Variants in ADGRV1 observed in about 807,000 individuals in gnomAD.
ADGRV1 encodes the protein adhesion G protein-coupled receptor V1.
A neutral mutation model predicts 596.2 loss-of-function variants in ADGRV1; 359 were observed. The observed-to-expected ratio is 0.60, with a 90% confidence interval of 0.55 to 0.66. The LOEUF is 0.66. ADGRV1 is among the 30% of genes least tolerant of loss of function. The pLI is 0.00. For synonymous variants in ADGRV1, 2,681 were observed against 2,679.2 expected (o/e 1.00, Z -0.02); for missense variants, 7,274 against 7,575.6 (o/e 0.96, Z 1.48).
At chr5:90,759,910 A>G (rs1254837877) in intron 58 of ADGRV1, 12 of 261,700 alleles carry the variant, frequency 4.6e-5, no homozygotes, top group Admixed American at 2.2e-4. Flanking sequence ...GGTTGCAGTG[A>G]GCTGAGATCA....
At chr5:91,126,634 A>G (rs535603585) in intron 87 of ADGRV1, among the ~76,000 whole-genome samples, 1 of 152,298 alleles carries the variant, frequency 6.6e-6, no homozygotes, top group East Asian at 1.9e-4. Context: ...TCATGTGCCA[A>G]ATTCAGTAAG....
chr5:90,745,396 G>A (rs1399295873), intron 51 of ADGRV1, 131 bp downstream of exon 51: 14 of 729,432 alleles, frequency 1.9e-5, no homozygotes, highest in Non-Finnish European at 2.6e-5. Flanking sequence ...CTGAAATTTG[G>A]TTATTATCCA....
At chr5:91,113,795 T>C (rs1792597138) in intron 87 of ADGRV1, among the ~76,000 whole-genome samples, 1 of 152,022 alleles carries the variant, frequency 6.6e-6, no homozygotes, top group South Asian at 2.1e-4. Context: ...GGCATGTGCC[T>C]TTAGTCCCAG....
At chr5:90,592,086 C>T (rs1759575446) in intron 1 of ADGRV1, among the ~76,000 whole-genome samples, 2 of 152,164 alleles carry the variant, frequency 1.3e-5, no homozygotes, top group South Asian at 4.1e-4. Flanking sequence ...AGTAGATCTG[C>T]CATTTGATCC....
rs755702991 is a variant in ADGRV1, at chr5:90,783,167, A to T, written c.13275A>T (p.Leu4425=). Residue 4425 remains leucine (L), a synonymous_variant, in exon 66 of 90, where the codon CTA becomes CTT. Coordinates refer to ENST00000405460, the MANE Select transcript of ADGRV1 (RefSeq NM_032119.4). The part of the protein sequence containing the change: ...VGLIMIPVVR[L]HGTYGYVTAD... ...TGATCATGATCCCAGTGGTGAGGCT[A>T]CATGGAACTTATGGCTATGTGACAG... is the stretch of plus-strand genomic sequence containing the variant. 18 of 1,613,582 alleles carry T rather than the reference A, an allele frequency of 1.1e-5. No homozygotes were observed. The highest frequency in any genetic ancestry group is 1.4e-5 in the Non-Finnish European group (16 of 1,179,660).
chr5:91,031,771 C>A (rs1407731233), intron 85 of ADGRV1, among the ~76,000 whole-genome samples: 5 of 152,114 alleles, frequency 3.3e-5, no homozygotes, highest in Non-Finnish European at 7.4e-5. Context: ...TCTTTAAACA[C>A]TTATATTTCA....
chr5:90,649,848 A>G (rs569906948), intron 17 of ADGRV1, among the ~76,000 whole-genome samples: 49 of 152,314 alleles, frequency 3.2e-4, no homozygotes, highest in African/African-American at 1.2e-3. Context: ...TTGGGAAAAT[A>G]TATTTATTAA....
At chr5:90,726,653 ATGTG>A (rs55927110) in intron 48 of ADGRV1, among the ~76,000 whole-genome samples, 39 of 147,640 alleles carry the variant, frequency 2.6e-4, no homozygotes, top group East Asian at 4.0e-4. Context: ...CTCTCTGGGT[ATGTG>A]TGTGTGTGTG....
At chr5:91,128,090 C>T (rs1248672531) in intron 87 of ADGRV1, among the ~76,000 whole-genome samples, 1 of 151,790 alleles carries the variant, frequency 6.6e-6, no homozygotes, top group Non-Finnish European at 1.5e-5. Context: ...TCCCAATGCC[C>T]TCCCCTCCCT....
intron 39 of ADGRV1, among the ~76,000 whole-genome samples, chr5:90,709,872 C>G (rs927561257): frequency 1.3e-5 from 2 of 152,204 alleles, no homozygotes; most frequent in African/African-American, 4.8e-5. Flanking sequence ...TAGTTAACTT[C>G]TGTTGAGTGG....
In ADGRV1 at chr5:91,014,136, C is replaced by CACACACACACACACA. The variant is rs1782962720; in HGVS notation, c.18152+28614_18152+28615insACACACACACACACA. Among the ~76,000 whole-genome samples, 312 of 35,688 alleles carry CACACACACACACACA rather than the reference C, an allele frequency of 8.7e-3. 6 individuals carry two copies. Among genetic ancestry groups the CACACACACACACACA allele is most frequent in the African/African-American group, 0.026 (294 of 11,362 alleles). 23.4% of individuals were successfully genotyped at this position (35,688 alleles called of 152,430 possible). ...TCATAGGCAATCCCATTCACAATTG[C>CACACACACACACACA]CACACACACACACACACACACACAC... On this transcript the variant is annotated intron_variant, in intron 85 of 89. Coordinates refer to ENST00000405460, the MANE Select transcript of ADGRV1 (RefSeq NM_032119.4).
At chr5:90,620,669 G>T (rs973491206) in intron 4 of ADGRV1, among the ~76,000 whole-genome samples, 2 of 152,182 alleles carry the variant, frequency 1.3e-5, no homozygotes, top group African/African-American at 4.8e-5. Context: ...TGAAGTCCTT[G>T]CCCATGCCTA....
Position 90,985,516 on chromosome 5 carries a change from G to A in ADGRV1, c.18146G>A (p.Gly6049Asp). Reference protein sequence around the residue: ...SMSQIYGLIHGDLCFIPNVYA... With the variant: ...SMSQIYGLIHDDLCFIPNVYA... ...TCACAGATCTATGGACTCATTCATG[G>A]TGACCTGTAAGTACACCCAGGCAAC... Residue 6049 changes from glycine (G) to aspartate (D), a missense_variant, in exon 85 of 90, where the codon GGT becomes GAT. Physicochemically the swap from Gly to Asp is moderately conservative, Grantham distance 94. Around this residue, in one of 5 missense-constraint regions of ADGRV1, gnomAD observed 1,874 missense variants for 1,970.2 expected, o/e 0.95. Coordinates refer to ENST00000405460, the MANE Select transcript of ADGRV1 (RefSeq NM_032119.4). 2 of 1,613,182 alleles carry A rather than the reference G, an allele frequency of 1.2e-6. No individual in the cohort carries two copies. The highest frequency in any genetic ancestry group is 1.7e-6 in the Non-Finnish European group (2 of 1,179,304).
intron 79 of ADGRV1, among the ~76,000 whole-genome samples, chr5:90,852,911 G>A (rs965964091): frequency 6.6e-6 from 1 of 152,168 alleles, no homozygotes; most frequent in African/African-American, 2.4e-5. Context: ...TAGCTCAGTG[G>A]GGGGACATGC....
intron 9 of ADGRV1, 51 bp downstream of exon 9, chr5:90,629,590 T>A: frequency 8.1e-7 from 1 of 1,229,142 alleles, no homozygotes; most frequent in Non-Finnish European, 1.1e-6. Flanking sequence ...TCAAGTGTAC[T>A]AACCTGTGTG....
intron 59 of ADGRV1, among the ~76,000 whole-genome samples, chr5:90,765,429 C>CCA (rs531033246): frequency 0.28 from 38,407 of 136,150 alleles, 5,102 homozygotes; most frequent in Non-Finnish European, 0.34. Context: ...AAATCACAGA[C>CCA]CACACACACA....
chr5:90,652,831 C>G (rs1028235326), intron 19 of ADGRV1, among the ~76,000 whole-genome samples: 7 of 152,202 alleles, frequency 4.6e-5, no homozygotes, highest in African/African-American at 1.7e-4. Flanking sequence ...TCCACACCAA[C>G]TATAGTGTCT....
intron 85 of ADGRV1, among the ~76,000 whole-genome samples, chr5:91,007,514 CT>C: frequency 6.6e-6 from 1 of 152,172 alleles, no homozygotes; most frequent in African/African-American, 2.4e-5. Flanking sequence ...CTGGTGAATC[CT>C]TATATCCTCA....
At chr5:90,893,628 T>C (rs1771033197) in intron 83 of ADGRV1, among the ~76,000 whole-genome samples, 1 of 152,210 alleles carries the variant, frequency 6.6e-6, no homozygotes, top group Admixed American at 6.6e-5. Flanking sequence ...CACAATAGTT[T>C]TACAGTTTTA....
Sources: allele counts gnomAD v4.1 joint callset (sites outside exome capture counted in the v4.1 genomes callset), GRCh38; gene constraint gnomAD v4.1.1; regional missense constraint gnomAD v4.1.1; transcripts MANE v1.5; gene names NCBI Gene and HGNC (gene_info 2026-07-23, HGNC 2026-07-21).